The following RICTOR variants were observed in gnomAD, a reference collection of about 807,000 sequenced individuals.
RICTOR encodes the protein RPTOR independent companion of MTOR complex 2, also known as rapamycin-insensitive companion of mTOR.
A neutral mutation model predicts 214.9 loss-of-function variants in RICTOR; 49 were observed. The ratio of observed to expected loss-of-function variants is 0.23; its 90% confidence interval spans 0.18 to 0.29. The LOEUF is 0.29. Among genes scored for constraint, RICTOR ranks in the 10% least tolerant of loss-of-function variants. RICTOR has a pLI of 1.00. For synonymous variants in RICTOR, 717 were observed against 711.3 expected (o/e 1.01, Z -0.13); for missense variants, 1,625 against 2,047.0 (o/e 0.79, Z 3.98).
intron 27 of RICTOR, among the ~76,000 whole-genome samples, chr5:38,954,047 A>C (rs962370748): frequency 6.6e-6 from 1 of 151,786 alleles, no homozygotes; most frequent in Non-Finnish European, 1.5e-5. Context: ...TTGTCCCAAC[A>C]GTTTTCACAG....
At chr5:39,039,991 C>A (rs1757045479) in intron 2 of RICTOR, among the ~76,000 whole-genome samples, 1 of 152,094 alleles carries the variant, frequency 6.6e-6, no homozygotes, top group South Asian at 2.1e-4. Context: ...GATTATAAAT[C>A]ATGGTGCTAT....
intron 6 of RICTOR, among the ~76,000 whole-genome samples, chr5:38,994,422 A>AC (rs1753019024): frequency 4.8e-5 from 1 of 20,946 alleles, no homozygotes; most frequent in South Asian, 2.2e-3. Flanking sequence ...GTTTTACTAA[A>AC]AAAAAAAAAA....
intron 2 of RICTOR, among the ~76,000 whole-genome samples, chr5:39,050,167 T>C (rs1384468687): frequency 6.6e-6 from 1 of 150,662 alleles, no homozygotes; most frequent in Non-Finnish European, 1.5e-5. Flanking sequence ...CTTGCTTTTT[T>C]ACATATATAA....
intron 16 of RICTOR, 40 bp from the exon 17 acceptor site, chr5:38,963,081 C>G (rs745417611): frequency 5.6e-6 from 8 of 1,438,272 alleles, no homozygotes; most frequent in Non-Finnish European, 7.6e-6. Context: ...GTAGCAAGAC[C>G]AATATAATTT....
chr5:39,039,433 A>T (rs1208719947), intron 2 of RICTOR, among the ~76,000 whole-genome samples: 2 of 152,204 alleles, frequency 1.3e-5, no homozygotes, highest in Non-Finnish European at 2.9e-5. Context: ...AAAACACCAA[A>T]AGCAATGGCA....
rs1218899494 is a variant in RICTOR at position 38,946,452 on chromosome 5, A to G, written c.4399+16T>C. 3.3e-6 allele frequency: 5 copies of G among 1,528,194 alleles called. No homozygotes were observed. Among genetic ancestry groups the G allele is most frequent in the Non-Finnish European group, 4.5e-6 (5 of 1,101,870 alleles). 94.7% of individuals were successfully genotyped at this position (1,528,194 alleles called of 1,614,324 possible). ...TATAAAGAGGCATCTCACAAGTACA[A>G]TGCACAATGCATTACCTCCTGCATC... On this transcript the variant is annotated intron_variant, in intron 33 of 37. Coordinates refer to ENST00000357387, the MANE Select transcript of RICTOR (RefSeq NM_152756.5).
intron 11 of RICTOR, among the ~76,000 whole-genome samples, chr5:38,968,921 A>C: frequency 6.6e-6 from 1 of 150,810 alleles, no homozygotes; most frequent in Admixed American, 6.6e-5. Context: ...TGATGATCCT[A>C]ACCCTGTATA....
In RICTOR at chr5:38,954,779, C is replaced by A. The variant is rs1435783841; in HGVS notation, c.2692G>T (p.Val898Leu). The A allele has an allele frequency of 1.9e-6, 3 of 1,574,212 alleles. No homozygotes were observed. Among genetic ancestry groups the A allele is most frequent in the East Asian group, 2.2e-5 (1 of 44,524 alleles). Reference protein sequence around the residue: ...HHKTGCHLLEVQNIITELCRN... With the variant: ...HHKTGCHLLELQNIITELCRN... ...TAAGTGAATTATGTTTTTACCTGTA[C>A]TTCCAACAAATGGCAGCCTGTTTTA... The change falls in exon 27 of 38, where the codon GTA becomes TTA. Residue 898 changes from valine (V) to leucine (L), a missense_variant. By Grantham distance (32) the Val-to-Leu change is conservative. Transcript: ENST00000357387.
intron 2 of RICTOR, among the ~76,000 whole-genome samples, chr5:39,070,966 C>T (rs1224448617): frequency 6.6e-6 from 1 of 152,226 alleles, no homozygotes; most frequent in African/African-American, 2.4e-5. Flanking sequence ...TACCAATACG[C>T]TGACTGTAAA....
At chr5:38,991,785 CAT>C (rs1310480356) in intron 6 of RICTOR, among the ~76,000 whole-genome samples, 1 of 152,082 alleles carries the variant, frequency 6.6e-6, no homozygotes, top group Non-Finnish European at 1.5e-5. Context: ...AAACAGGTAA[CAT>C]ATGTCTTTGA....
intron 5 of RICTOR, among the ~76,000 whole-genome samples, chr5:38,998,434 G>A (rs758385317): frequency 3.9e-5 from 6 of 152,040 alleles, no homozygotes; most frequent in South Asian, 2.1e-4. Flanking sequence ...TGATCTGCCC[G>A]CCTAGGCCTC....
intron 33 of RICTOR, 73 bp downstream of exon 33, chr5:38,946,384 TTAGTGTTATCC>T: frequency 1.2e-6 from 1 of 817,504 alleles, no homozygotes; most frequent in South Asian, 1.7e-5. Context: ...TCCTAAATTT[TTAGTGTTATCC>T]TACTAGAAAG....
Position 38,941,582 on chromosome 5 carries a change from T to C in RICTOR, c.*722A>G. On this transcript the variant is annotated 3_prime_UTR_variant, in exon 38 of 38. Transcript: ENST00000357387. ...AATAAAAAATGATTTTTAAATTTTA[T>C]TCAAGAACTGTAGTGAAAAACCTTA... The C allele has an allele frequency of 4.3e-6, 1 of 231,550 alleles. No individual in the cohort carries two copies. The highest frequency in any genetic ancestry group is 8.6e-6 in the Non-Finnish European group (1 of 116,896). The allele number at this position is 231,550 out of a possible 1,614,324, so 14.3% of individuals were successfully genotyped here. A position where few individuals can be genotyped will look rare whatever the true frequency, so the allele number is the denominator to read the frequency against.
chr5:38,944,651 T>G, intron 35 of RICTOR, 82 bp from the exon 36 acceptor site: 1 of 1,243,406 alleles, frequency 8.0e-7, no homozygotes. Context: ...TTTTTAAACT[T>G]CACCTAAAGA....
At chr5:39,070,239 G>T (rs1350449171) in intron 2 of RICTOR, among the ~76,000 whole-genome samples, 1 of 152,170 alleles carries the variant, frequency 6.6e-6, no homozygotes, top group Non-Finnish European at 1.5e-5. Context: ...GCCGAGGCGG[G>T]TGGATCATGA....
rs1378946096 is a variant in RICTOR, at chr5:38,964,874, G to A, written c.1318C>T (p.His440Tyr). 6.2e-7 allele frequency: 1 copy of A among 1,605,008 alleles called. No homozygotes were observed. Among genetic ancestry groups the A allele is most frequent in the South Asian group, 1.1e-5 (1 of 90,370 alleles). Residue 440 changes from histidine to tyrosine, a missense_variant, in exon 16 of 38, where the codon CAT becomes TAT. His to Tyr is a moderately conservative substitution (Grantham distance 83). Around this residue, in one of 5 missense-constraint regions of RICTOR, gnomAD observed 1,214 missense variants for 1,470.5 expected, o/e 0.83. Transcript: ENST00000357387. ...CAGTGTAAATGATGGCTATGTGAAT[G>A]AGGAAGAATTGTGTTTGCCTAAAAT... Reference protein sequence around the residue: ...LLHMANTILPHSHSHHLHCLP... With the variant: ...LLHMANTILPYSHSHHLHCLP...
At chr5:39,006,872 T>C (rs1372906494) in intron 3 of RICTOR, among the ~76,000 whole-genome samples, 2 of 152,056 alleles carry the variant, frequency 1.3e-5, no homozygotes. Flanking sequence ...ATTACAATAC[T>C]GGTATTCCTT....
At chr5:38,952,908 A>G (rs745691414) in intron 29 of RICTOR, 77 bp downstream of exon 29, 17 of 826,578 alleles carry the variant, frequency 2.1e-5, no homozygotes, top group Admixed American at 1.0e-4. Flanking sequence ...GCACTTAATC[A>G]TAAAATACTT....
At chr5:39,060,248 A>G (rs1758452700) in intron 2 of RICTOR, among the ~76,000 whole-genome samples, 1 of 152,070 alleles carries the variant, frequency 6.6e-6, no homozygotes, top group African/African-American at 2.4e-5. Flanking sequence ...AAAAAATGAC[A>G]ATAAAAATTC....
Sources: allele counts gnomAD v4.1 joint callset (sites outside exome capture counted in the v4.1 genomes callset), GRCh38; gene constraint gnomAD v4.1.1; regional missense constraint gnomAD v4.1.1; transcripts MANE v1.5; gene names NCBI Gene and HGNC (gene_info 2026-07-23, HGNC 2026-07-21).